The following CSE1L variants were observed in gnomAD, a reference collection of about 807,000 sequenced individuals.
CSE1L encodes exportin-2.
In CSE1L, 24 loss-of-function variants were observed where a neutral mutation model predicts 120.4. The observed-to-expected ratio is 0.20, with a 90% CI of 0.14 to 0.28. CSE1L has a LOEUF of 0.28. Ranked by LOEUF, CSE1L falls within the 10% of genes least tolerant of loss-of-function variation. CSE1L has a pLI of 1.00. For synonymous variants in CSE1L, 402 were observed against 398.3 expected, an observed-to-expected ratio of 1.01 and a Z score of -0.11; for missense variants, 830 against 1,145.2, an observed-to-expected ratio of 0.72 and a Z score of 3.97.
chr20:49,070,846 G>A (rs1280865523), intron 8 of CSE1L, among the ~76,000 whole-genome samples: 2 of 152,222 alleles, frequency 1.3e-5, no homozygotes, highest in Non-Finnish European at 1.5e-5. Context: ...TTAGTTGTGA[G>A]GATCCCTTGA....
At position 49,063,296 on chromosome 20, in the gene CSE1L, A is replaced by G; in HGVS notation, c.180A>G (p.Val60=). 1.3e-6 allele frequency: 2 copies of G among 1,562,020 alleles called. No homozygotes were observed. The change falls in exon 3 of 25, where the codon GTA becomes GTG. Residue 60 remains valine (V), a synonymous_variant. Transcript: ENST00000262982. ...AGTCCCAGGATAATGTTATCAAAGT[A>G]TGTGCTTCAGTAACATTCAAAAACT... ...LEKSQDNVIK[V]CASVTFKNYI... is the part of the protein sequence containing the mutation.
intron 19 of CSE1L, among the ~76,000 whole-genome samples, chr20:49,090,229 A>G (rs2092090435): frequency 6.6e-6 from 1 of 152,178 alleles, no homozygotes; most frequent in Admixed American, 6.5e-5. Flanking sequence ...CATGATGGAA[A>G]ATTTTAAAAA....
At chr20:49,071,978 A>AAC (rs1396957438) in intron 8 of CSE1L, among the ~76,000 whole-genome samples, 2 of 151,552 alleles carry the variant, frequency 1.3e-5, no homozygotes, top group Admixed American at 1.3e-4. Flanking sequence ...AAAAAAAAAA[A>AAC]AAAAAAACCA....
chr20:49,067,828 C>G (rs1174935836), intron 6 of CSE1L, among the ~76,000 whole-genome samples: 1 of 151,642 alleles, frequency 6.6e-6, no homozygotes, highest in East Asian at 1.9e-4. Flanking sequence ...CTCAACTACC[C>G]AAGCTCAGGT....
At position 49,072,365 on chromosome 20, in the gene CSE1L, A is replaced by T; in HGVS notation, c.848A>T (p.Asp283Val). Reference protein sequence around the residue: ...DNAALYAQKYDEEFQRYLPRF... With the variant: ...DNAALYAQKYVEEFQRYLPRF... ...GCCGCACTCTATGCACAAAAGTACG[A>T]TGAAGAATTCCAGCGATACCTGCCT... is the stretch of plus-strand genomic sequence containing the variant. Residue 283 changes from aspartate to valine, a missense_variant, in exon 9 of 25, where the codon GAT (aspartate) becomes GTT (valine). This residue lies in a region of CSE1L where 543 missense variants were observed against 640.2 expected (regional missense o/e 0.85). Coordinates refer to ENST00000262982, the MANE Select transcript of CSE1L (RefSeq NM_001316.4). 6.2e-7 allele frequency: 1 copy of T among 1,614,196 alleles called. No individual in the cohort carries two copies. The highest frequency in any genetic ancestry group is 1.7e-5 in the Admixed American group (1 of 60,020).
chr20:49,071,715 C>T (rs113905623), intron 8 of CSE1L, among the ~76,000 whole-genome samples: 3 of 152,064 alleles, frequency 2.0e-5, no homozygotes, highest in African/African-American at 7.2e-5. Flanking sequence ...GGGCTTGGCC[C>T]GTCGCAGTGG....
chr20:49,092,204 T>A (rs1017153418), intron 22 of CSE1L, 77 bp downstream of exon 22: 9 of 731,300 alleles, frequency 1.2e-5, no homozygotes, highest in Admixed American at 2.9e-5. Context: ...TATCTCTGTC[T>A]TATAGATGAT....
In CSE1L at chr20:49,066,387, T is replaced by C. The variant is rs771697950; in HGVS notation, c.353T>C (p.Ile118Thr). 22 of 1,614,084 alleles carry C rather than the reference T, an allele frequency of 1.4e-5. No homozygotes were observed. Among genetic ancestry groups the C allele is most frequent in the Non-Finnish European group, 1.5e-5 (18 of 1,180,040 alleles). ...TAGTTAAGTGATGCAATTAGCATTA[T>C]TGGCAGAGAAGATTTTCCACAGAAA... ...QKQLSDAISI[I>T]GREDFPQKWP... The change falls in exon 5 of 25, where the codon ATT (isoleucine) becomes ACT (threonine). Residue 118 changes from isoleucine (I) to threonine (T), a missense_variant. Coordinates refer to ENST00000262982, the MANE Select transcript of CSE1L (RefSeq NM_001316.4).
At chr20:49,083,946 C>A in intron 14 of CSE1L, 80 bp from the exon 15 acceptor site, 1 of 1,395,510 alleles carries the variant, frequency 7.2e-7, no homozygotes, top group Non-Finnish European at 9.8e-7. Flanking sequence ...TTTAAATCAA[C>A]AGGTCCTTCT....
chr20:49,067,431 A>G (rs2091901407), intron 6 of CSE1L, 151 bp downstream of exon 6: 1 of 513,172 alleles, frequency 1.9e-6, no homozygotes, highest in Non-Finnish European at 3.4e-6. Context: ...ACAGAAATAG[A>G]GATGCTATAG....
chr20:49,076,622 C>T (rs1270580904), intron 12 of CSE1L, among the ~76,000 whole-genome samples: 2 of 149,834 alleles, frequency 1.3e-5, no homozygotes, highest in African/African-American at 2.5e-5. Context: ...CTCTGCCTCC[C>T]GGGTTCAAGC....
At chr20:49,086,934 T>A (rs575282411) in intron 16 of CSE1L, among the ~76,000 whole-genome samples, 1 of 152,240 alleles carries the variant, frequency 6.6e-6, no homozygotes, top group East Asian at 1.9e-4. Context: ...AGCAATCTGT[T>A]GAAGGGTGGA....
At chr20:49,069,400 G>A (rs564110530) in intron 7 of CSE1L, among the ~76,000 whole-genome samples, 1 of 152,290 alleles carries the variant, frequency 6.6e-6, no homozygotes, top group East Asian at 1.9e-4. Flanking sequence ...ATTAATTCAA[G>A]ATTCAGGACC....
chr20:49,063,446 C>T (rs1729509898), intron 3 of CSE1L, 102 bp downstream of exon 3: 3 of 642,356 alleles, frequency 4.7e-6, no homozygotes, highest in Middle Eastern at 5.1e-4. Flanking sequence ...GTCCCAACTA[C>T]TCTGGAGGCT....
chr20:49,091,943 T>C, intron 21 of CSE1L, 103 bp from the exon 22 acceptor site: 1 of 676,552 alleles, frequency 1.5e-6, no homozygotes, highest in Non-Finnish European at 2.6e-6. Context: ...TGCCACAGCC[T>C]TTGGATGTTA....
chr20:49,084,271 C>T lies in CSE1L; in HGVS notation c.1619+109C>T, dbSNP rs1036084429. On this transcript the variant is annotated intron_variant, in intron 15 of 24. Coordinates refer to ENST00000262982, the MANE Select transcript of CSE1L (RefSeq NM_001316.4). ...TCACTAGTGGGAAAACAAATGTCTG[C>T]TTTCTATTCCTTTATACTCTGTTTC... is the stretch of plus-strand genomic sequence containing the variant. The T allele has an allele frequency of 2.7e-6, 3 of 1,095,888 alleles. No homozygotes were observed. The African/African-American group carries it at 4.7e-5, about 17-fold the overall frequency. 67.9% of individuals were successfully genotyped at this position (1,095,888 alleles called of 1,614,324 possible).
chr20:49,068,801 G>T lies in CSE1L; in HGVS notation c.654G>T (p.Leu218Phe). The T allele has an allele frequency of 6.2e-7, 1 of 1,611,062 alleles. No homozygotes were observed. Among genetic ancestry groups the T allele is most frequent in the Non-Finnish European group, 8.5e-7 (1 of 1,177,272 alleles). ...LFSSLILISK[L>F]FYSLNFQDLP... ...CTTCCCTGATCCTGATCTCAAAATT[G>T]TTCTATAGTTTAAACTTTCAGGTAA... Residue 218 changes from leucine (L) to phenylalanine (F), a missense_variant, in exon 7 of 25, where the codon TTG (leucine) becomes TTT (phenylalanine). Around this residue, in one of 4 missense-constraint regions of CSE1L, gnomAD observed 543 missense variants for 640.2 expected, o/e 0.85. Transcript: ENST00000262982.
At chr20:49,049,318 G>A (rs751114218) in intron 1 of CSE1L, among the ~76,000 whole-genome samples, 3 of 151,774 alleles carry the variant, frequency 2.0e-5, no homozygotes, top group Non-Finnish European at 2.9e-5. Flanking sequence ...CGAGTAGCTA[G>A]GACTACAGGC....
intron 14 of CSE1L, among the ~76,000 whole-genome samples, chr20:49,081,195 A>C (rs2426121): frequency 0.36 from 54,822 of 151,700 alleles, 10,713 homozygotes; most frequent in African/African-American, 0.53. Flanking sequence ...TGTTGGCCAG[A>C]CTGGTCTCAA....
Sources: gnomAD v4.1 joint callset for allele counts (sites outside exome capture counted in the v4.1 genomes callset) on GRCh38, gnomAD v4.1.1 for gene constraint, gnomAD v4.1.1 regional missense constraint, MANE v1.5 for transcripts, NCBI Gene and HGNC (gene_info 2026-07-23, HGNC 2026-07-21) for gene names.